Variants in STIM2 observed in about 807,000 individuals in gnomAD.
STIM2 encodes the protein stromal interaction molecule 2.
In STIM2, 31 loss-of-function variants were observed where a neutral mutation model predicts 85.8. The ratio of observed to expected loss-of-function variants is 0.36; its 90% CI spans 0.27 to 0.49. The LOEUF is 0.49. Ranked by LOEUF, STIM2 falls within the 20% of genes least tolerant of loss-of-function variation. STIM2 has a pLI of 0.98. For missense variants in STIM2, 841 were observed against 927.6 expected, an observed-to-expected ratio of 0.91 and a Z score of 1.21; for synonymous variants, 356 against 331.1, an observed-to-expected ratio of 1.08 and a Z score of -0.82.
chr4:26,917,347 A>T (rs1422535548), intron 1 of STIM2, among the ~76,000 whole-genome samples: 1 of 152,106 alleles, frequency 6.6e-6, no homozygotes, highest in Non-Finnish European at 1.5e-5. Context: ...TATAAGTTTT[A>T]TGAGGATTTT....
intron 3 of STIM2, among the ~76,000 whole-genome samples, chr4:26,960,595 T>C (rs1257376361): frequency 6.6e-6 from 1 of 152,224 alleles, no homozygotes; most frequent in African/African-American, 2.4e-5. Flanking sequence ...ATTTAGTTGG[T>C]CAAATGTTTT....
chr4:26,950,477 G>A (rs1272338710), intron 2 of STIM2, among the ~76,000 whole-genome samples: 2 of 152,076 alleles, frequency 1.3e-5, no homozygotes, highest in African/African-American at 2.4e-5. Context: ...AACAGTGGTG[G>A]GTGGTGGGGC....
chr4:26,922,120 C>G (rs933468907), intron 2 of STIM2, among the ~76,000 whole-genome samples: 1 of 152,042 alleles, frequency 6.6e-6, no homozygotes, highest in Non-Finnish European at 1.5e-5. Flanking sequence ...TGGAAAACAA[C>G]GTAAACTAGT....
chr4:26,908,940 A>T (rs1320568188), intron 1 of STIM2, among the ~76,000 whole-genome samples: 1 of 152,206 alleles, frequency 6.6e-6, no homozygotes, highest in Non-Finnish European at 1.5e-5. Flanking sequence ...TGGGCCAGGC[A>T]TGTTGGCTCA....
intron 2 of STIM2, among the ~76,000 whole-genome samples, chr4:26,923,424 C>G (rs963180224): frequency 6.6e-6 from 1 of 151,946 alleles, no homozygotes; most frequent in African/African-American, 2.4e-5. Flanking sequence ...TCCAGCCAAA[C>G]TAAGCTTCGT....
intron 2 of STIM2, among the ~76,000 whole-genome samples, chr4:26,923,130 C>G (rs1387918818): frequency 1.3e-5 from 2 of 151,088 alleles, no homozygotes; most frequent in South Asian, 2.1e-4. Flanking sequence ...ACACGTCACA[C>G]GGCAGGGTAT....
chr4:26,988,605 C>T (rs1727662228), intron 3 of STIM2, among the ~76,000 whole-genome samples: 1 of 152,156 alleles, frequency 6.6e-6, no homozygotes. Context: ...CAGGTTTGGT[C>T]TGAAACTTGG....
intron 7 of STIM2, among the ~76,000 whole-genome samples, chr4:27,003,925 T>C (rs918031808): frequency 6.6e-6 from 1 of 152,150 alleles, no homozygotes; most frequent in African/African-American, 2.4e-5. Context: ...ATCTCCTCCT[T>C]CTGACTTTGA....
At chr4:26,921,737 T>A (rs1724805319) in intron 2 of STIM2, among the ~76,000 whole-genome samples, 1 of 152,260 alleles carries the variant, frequency 6.6e-6, no homozygotes, top group Non-Finnish European at 1.5e-5. Context: ...TCTAGATTAC[T>A]GTCTCTAAGT....
At chr4:26,979,216 G>C (rs1358505029) in intron 3 of STIM2, among the ~76,000 whole-genome samples, 3 of 152,096 alleles carry the variant, frequency 2.0e-5, no homozygotes, top group African/African-American at 7.2e-5. Flanking sequence ...AAACATGTCT[G>C]TATTGTTAAA....
rs61269523 is a variant in STIM2, at chr4:26,938,087, A to G, written c.282+18453A>G. The stretch of plus-strand genomic sequence containing the variant: ...TTTTTAAATAAATTTTAAAAGAAAA[A>G]TAGCTTTTTCTTATATTAAAATAAT... On this transcript the variant is annotated intron_variant, in intron 2 of 11. Coordinates refer to ENST00000467087, the MANE Select transcript of STIM2 (RefSeq NM_020860.4). Among the ~76,000 whole-genome samples, 1,367 of 152,010 alleles carry G rather than the reference A, an allele frequency of 9.0e-3. 29 individuals carry two copies. The highest frequency in any genetic ancestry group is 0.031 in the African/African-American group (1,307 of 41,528).
intron 1 of STIM2, among the ~76,000 whole-genome samples, chr4:26,913,730 T>C (rs1214212928): frequency 6.6e-6 from 1 of 152,232 alleles, no homozygotes; most frequent in Non-Finnish European, 1.5e-5. Context: ...TAAACAACTA[T>C]ATTTATATTG....
At chr4:26,865,967 C>T (rs1191809420) in intron 1 of STIM2, among the ~76,000 whole-genome samples, 19 of 147,636 alleles carry the variant, frequency 1.3e-4, no homozygotes, top group Non-Finnish European at 2.2e-4. Context: ...GATTCTGAGA[C>T]TAATCCTGTT....
At chr4:27,004,843 T>G (rs1476273964) in intron 7 of STIM2, among the ~76,000 whole-genome samples, 1 of 152,188 alleles carries the variant, frequency 6.6e-6, no homozygotes, top group Non-Finnish European at 1.5e-5. Flanking sequence ...GAAACACAAT[T>G]TTCTGAGGGC....
intron 2 of STIM2, among the ~76,000 whole-genome samples, chr4:26,920,622 TA>T (rs1724761317): frequency 6.6e-6 from 1 of 152,210 alleles, no homozygotes; most frequent in Admixed American, 6.5e-5. Flanking sequence ...CAGTGTCTAG[TA>T]ACATTGTTAT....
chr4:26,959,244 ATC>A (rs1726362403), intron 3 of STIM2, among the ~76,000 whole-genome samples: 1 of 152,010 alleles, frequency 6.6e-6, no homozygotes, highest in Admixed American at 6.6e-5. Context: ...TATTCCATGC[ATC>A]TCTCTCGCTC....
rs545019609 is a variant in STIM2, at chr4:26,891,603, T to G, written c.152-27901T>G. On this transcript the variant is annotated intron_variant, in intron 1 of 11. Coordinates refer to ENST00000467087, the MANE Select transcript of STIM2 (RefSeq NM_020860.4). ...CACACACACACACACACACACCCCC[T>G]TTTGGTTATTGGTTCTGTTTTTCTA... is the stretch of plus-strand genomic sequence containing the variant. 2.0e-5 allele frequency among the ~76,000 whole-genome samples: 3 copies of G among 149,530 alleles called. No individual in the cohort carries two copies. The South Asian group carries it at 6.4e-4, about 32-fold the overall frequency.
In STIM2 at chr4:26,974,981, T is replaced by C. The variant is rs143525832; in HGVS notation, c.397+17255T>C. Among the ~76,000 whole-genome samples the C allele has an allele frequency of 3.2e-3, 489 of 152,298 alleles. 2 individuals are homozygous for C. Among genetic ancestry groups the C allele is most frequent in the African/African-American group, 0.011 (470 of 41,552 alleles). ...GACCTTGTCTTCTCACTTTATTTCA[T>C]TACTTTGATCTTCAATCACTGATCT... On this transcript the variant is annotated intron_variant, in intron 3 of 11. Coordinates refer to ENST00000467087, the MANE Select transcript of STIM2 (RefSeq NM_020860.4).
Position 27,022,631 on chromosome 4 carries a change from T to G in STIM2, c.1876T>G (p.Ser626Ala), listed in dbSNP as rs1728950710. ...CCAAACATTATCTCCGCGAAAGATA[T>G]CAAGAGATGAGGTGTCCCTAGAGGA... is the stretch of plus-strand genomic sequence containing the variant. The change falls in exon 12 of 12, where the codon TCA (serine) becomes GCA (alanine). Residue 626 changes from serine (S) to alanine (A), a missense_variant. This residue lies in a region of STIM2 where 293 missense variants were observed against 284.5 expected (regional missense o/e 1.03). Transcript: ENST00000467087. The G allele has an allele frequency of 6.2e-7, 1 of 1,614,050 alleles. No individual in the cohort carries two copies. The highest frequency in any genetic ancestry group is 1.7e-5 in the Admixed American group (1 of 59,994).
Sources: gnomAD v4.1 joint callset for allele counts (sites outside exome capture counted in the v4.1 genomes callset) on GRCh38, gnomAD v4.1.1 for gene constraint, gnomAD v4.1.1 regional missense constraint, MANE v1.5 for transcripts, NCBI Gene and HGNC (gene_info 2026-07-23, HGNC 2026-07-21) for gene names.